Variants in PAPPA2 observed in about 807,000 individuals in gnomAD.
PAPPA2 encodes pappalysin-2.
Under a neutral mutation model 176.4 loss-of-function variants are expected in PAPPA2, and 86 were observed. The observed-to-expected ratio is 0.49, with a 90% CI of 0.41 to 0.58. The LOEUF (loss-of-function observed/expected upper bound fraction) is 0.58, where lower values mean the gene tolerates loss of function less well. Among genes scored for constraint, PAPPA2 ranks in the 20% least tolerant of loss-of-function variants. The pLI, the probability that PAPPA2 is intolerant of heterozygous loss-of-function variation, is 0.00. For synonymous variants in PAPPA2, 809 were observed against 852.2 expected (o/e 0.95, Z 0.88); for missense variants, 2,073 against 2,256.9 (o/e 0.92, Z 1.65).
intron 2 of PAPPA2, among the ~76,000 whole-genome samples, chr1:176,590,388 G>A (rs1425082754): frequency 6.6e-6 from 1 of 152,054 alleles, no homozygotes; most frequent in Non-Finnish European, 1.5e-5. Flanking sequence ...ACAGAAATTG[G>A]CAAATGTTGC....
chr1:176,789,870 G>C lies in PAPPA2; in HGVS notation c.4777G>C (p.Val1593Leu), dbSNP rs751496109. The part of the protein sequence containing the change: ...GIWEQGSCIP[V>L]VCEPPPPVFE... Reference sequence around the variant, plus strand: ...CTGGGAGCAAGGCAGCTGCATTCCTGTGGTGTGTGAGCCACCCCCTCCTGT... The same window carrying C: ...CTGGGAGCAAGGCAGCTGCATTCCTCTGGTGTGTGAGCCACCCCCTCCTGT... Residue 1593 changes from valine to leucine, a missense_variant, in exon 18 of 23, where the codon GTG (valine) becomes CTG (leucine). Val to Leu is a conservative substitution (Grantham distance 32). Transcript: ENST00000367662. 1.9e-6 allele frequency: 3 copies of C among 1,614,130 alleles called. No homozygotes were observed. Among genetic ancestry groups the C allele is most frequent in the Admixed American group, 1.7e-5 (1 of 60,024 alleles).
chr1:176,646,426 T>A (rs2102735862), intron 3 of PAPPA2, among the ~76,000 whole-genome samples: 1 of 151,080 alleles, frequency 6.6e-6, no homozygotes, highest in Non-Finnish European at 1.5e-5. Context: ...CTAGTTATAC[T>A]CTTTTAGTTA....
chr1:176,545,608 G>A (rs1056068247), intron 1 of PAPPA2, among the ~76,000 whole-genome samples: 10 of 152,200 alleles, frequency 6.6e-5, no homozygotes, highest in Admixed American at 4.6e-4. Context: ...GAGGATGTGT[G>A]TAGGTTATAT....
intron 1 of PAPPA2, among the ~76,000 whole-genome samples, chr1:176,511,549 G>A (rs1274233759): frequency 6.6e-6 from 1 of 152,124 alleles, no homozygotes; most frequent in Non-Finnish European, 1.5e-5. Context: ...GTTTAACTAG[G>A]CAAACGGTAC....
chr1:176,753,681 C>A (rs890300635), intron 14 of PAPPA2, among the ~76,000 whole-genome samples: 3 of 146,714 alleles, frequency 2.0e-5, no homozygotes, highest in African/African-American at 7.5e-5. Context: ...GGGAAATGTT[C>A]TCTCTTGCTG....
At chr1:176,819,040 G>A (rs1034402727) in intron 21 of PAPPA2, among the ~76,000 whole-genome samples, 1 of 152,198 alleles carries the variant, frequency 6.6e-6, no homozygotes, top group Non-Finnish European at 1.5e-5. Context: ...GGGGCATTAA[G>A]TTTTGCAGAT....
At chr1:176,782,736 A>G (rs1325197419) in intron 17 of PAPPA2, among the ~76,000 whole-genome samples, 2 of 152,158 alleles carry the variant, frequency 1.3e-5, no homozygotes, top group African/African-American at 4.8e-5. Context: ...TTTGGATTTC[A>G]TTTTTCATCC....
At chr1:176,771,355 C>T (rs1028357488) in intron 17 of PAPPA2, among the ~76,000 whole-genome samples, 175 bp downstream of exon 17, 6 of 152,240 alleles carry the variant, frequency 3.9e-5, no homozygotes, top group Admixed American at 1.3e-4. Context: ...CACAGTCTCA[C>T]TTGCATACTT....
chr1:176,731,979 G>T (rs1571242030), intron 12 of PAPPA2, among the ~76,000 whole-genome samples: 1 of 151,854 alleles, frequency 6.6e-6, no homozygotes, highest in Non-Finnish European at 1.5e-5. Context: ...ACTGTGTTTT[G>T]GTTTGTTTTG....
chr1:176,578,497 C>A (rs1453693622), intron 2 of PAPPA2, among the ~76,000 whole-genome samples: 1 of 152,140 alleles, frequency 6.6e-6, no homozygotes, highest in Non-Finnish European at 1.5e-5. Context: ...AGAGTGGGAA[C>A]AAGGAAATAC....
intron 1 of PAPPA2, among the ~76,000 whole-genome samples, chr1:176,513,158 TA>T (rs1648715413): frequency 6.7e-6 from 1 of 149,546 alleles, no homozygotes; most frequent in Non-Finnish European, 1.5e-5. Flanking sequence ...CATTTCTGTC[TA>T]TCATCATCAT....
intron 1 of PAPPA2, among the ~76,000 whole-genome samples, chr1:176,501,219 G>A (rs1171546149): frequency 1.3e-5 from 2 of 151,928 alleles, no homozygotes; most frequent in Admixed American, 6.6e-5. Flanking sequence ...TAATGGAAAA[G>A]CTTTTTCTAA....
At position 176,556,964 on chromosome 1, in the gene PAPPA2, T is replaced by G; in HGVS notation, c.642T>G (p.Gly214=). ...CGGAAGATGGGCAGGGAGACTCCGG[T>G]ATCTCTTCACATTTCCAACCTTGGC... The part of the protein sequence containing the change: ...RRAEDGQGDS[G]ISSHFQPWPK... The change falls in exon 2 of 23, where the codon GGT becomes GGG. Residue 214 remains glycine, a synonymous_variant. Transcript: ENST00000367662. 1 of 1,613,912 alleles carries G rather than the reference T, an allele frequency of 6.2e-7. No homozygotes were observed. Among genetic ancestry groups the G allele is most frequent in the Non-Finnish European group, 8.5e-7 (1 of 1,179,954 alleles).
At chr1:176,609,674 A>G (rs1419174601) in intron 3 of PAPPA2, among the ~76,000 whole-genome samples, 1 of 152,204 alleles carries the variant, frequency 6.6e-6, no homozygotes, top group Non-Finnish European at 1.5e-5. Flanking sequence ...CATAGAGCCC[A>G]TGAGGCCATT....
rs181859239 is a variant in PAPPA2 at position 176,597,131 on chromosome 1, C to T, written c.1991+1536C>T. 2.4e-3 allele frequency among the ~76,000 whole-genome samples: 366 copies of T among 152,196 alleles called. 2 individuals are homozygous for T. The highest frequency in any genetic ancestry group is 4.1e-3 in the Non-Finnish European group (277 of 68,022). Reference sequence around the variant, plus strand: ...ACTTCAAGCATGTGGTATCAAAAATCGAGAATACAATTTGGAATCAAGGGA... The same window carrying T: ...ACTTCAAGCATGTGGTATCAAAAATTGAGAATACAATTTGGAATCAAGGGA... On this transcript the variant is annotated intron_variant, in intron 3 of 22. Transcript: ENST00000367662.
intron 12 of PAPPA2, among the ~76,000 whole-genome samples, chr1:176,726,804 A>C (rs1445709006): frequency 6.6e-6 from 1 of 152,196 alleles, no homozygotes; most frequent in Non-Finnish European, 1.5e-5. Flanking sequence ...TTTACTAAGG[A>C]GTGGTCTAGG....
rs1484150608 is a variant in PAPPA2 at position 176,699,607 on chromosome 1, A to T, written c.3236+18A>T. ...ACGGACGTGTGAGTTTGGTAGCATG[A>T]CTATGGGGCTTCCTGAGGCTCTGGG... On this transcript the variant is annotated intron_variant, in intron 8 of 22. Coordinates refer to ENST00000367662, the MANE Select transcript of PAPPA2 (RefSeq NM_020318.3). 3 of 1,578,062 alleles carry T rather than the reference A, an allele frequency of 1.9e-6. No individual in the cohort carries two copies. In the East Asian group the frequency reaches 6.8e-5, roughly 36 times the overall value.
At chr1:176,716,461 G>A (rs983832446) in intron 12 of PAPPA2, among the ~76,000 whole-genome samples, 9 of 151,456 alleles carry the variant, frequency 5.9e-5, no homozygotes, top group African/African-American at 2.2e-4. Context: ...AGTCAGGCTG[G>A]TCTCAAACTC....
chr1:176,534,392 C>T (rs902347732), intron 1 of PAPPA2, among the ~76,000 whole-genome samples: 2 of 152,182 alleles, frequency 1.3e-5, no homozygotes, highest in African/African-American at 4.8e-5. Flanking sequence ...TATCCATGAT[C>T]CCTAGCTTCC....
Sources: allele counts gnomAD v4.1 joint callset (sites outside exome capture counted in the v4.1 genomes callset), GRCh38; gene constraint gnomAD v4.1.1; transcripts MANE v1.5; gene names NCBI Gene and HGNC (gene_info 2026-07-23, HGNC 2026-07-21).